Variants in CASZ1 observed in about 807,000 individuals in gnomAD.
CASZ1 encodes castor zinc finger 1.
CASZ1 carries 28 observed loss-of-function variants against 135.2 expected under a neutral mutation model. The observed-to-expected ratio is 0.21, with a 90% confidence interval of 0.15 to 0.28. The LOEUF (loss-of-function observed/expected upper bound fraction) is 0.28, where lower values mean the gene tolerates loss of function less well. Ranked by LOEUF, CASZ1 falls within the 10% of genes least tolerant of loss-of-function variation. The pLI is 1.00. For missense variants in CASZ1, 2,161 were observed against 2,453.3 expected (o/e 0.88, Z 2.52); for synonymous variants, 1,068 against 1,073.4 (o/e 0.99, Z 0.10).
At position 10,665,503 on chromosome 1, in the gene CASZ1, G is replaced by C; in HGVS notation, c.85C>G (p.Leu29Val). Residue 29 changes from leucine to valine, a missense_variant, in exon 5 of 21, where the codon CTG becomes GTG. Physicochemically the swap from Leu to Val is conservative, Grantham distance 32 (BLOSUM62 1). This residue lies in a region of CASZ1 where 590 missense variants were observed against 609.8 expected (regional missense o/e 0.97). Coordinates refer to ENST00000377022, the MANE Select transcript of CASZ1 (RefSeq NM_001079843.3). ...TTGGCGCAGATGGCGTTCAGCTTCA[G>C]GCCACCCTTGCGTTTGGGCGCCATG... is the stretch of plus-strand genomic sequence containing the variant. The part of the protein sequence containing the change: ...PAMAPKRKGG[L>V]KLNAICAKLS... The C allele has an allele frequency of 1.9e-6, 3 of 1,604,120 alleles. 1 individual carries two copies. The highest frequency in any genetic ancestry group is 2.5e-6 in the Non-Finnish European group (3 of 1,179,048).
intron 2 of CASZ1, among the ~76,000 whole-genome samples, chr1:10,758,981 C>T (rs1209068628): frequency 1.3e-5 from 2 of 152,234 alleles, no homozygotes; most frequent in African/African-American, 4.8e-5. Context: ...CCATACCCCA[C>T]ACCAGGTACA....
In CASZ1 at chr1:10,659,873, G is replaced by T; in HGVS notation, c.1169C>A (p.Pro390Gln). The T allele has an allele frequency of 6.2e-7, 1 of 1,611,128 alleles. No individual in the cohort carries two copies. Among genetic ancestry groups the T allele is most frequent in the African/African-American group, 1.3e-5 (1 of 74,946 alleles). Residue 390 changes from proline to glutamine, a missense_variant, in exon 6 of 21, where the codon CCG becomes CAG. This residue lies in a region of CASZ1 where 590 missense variants were observed against 609.8 expected (regional missense o/e 0.97). Coordinates refer to ENST00000377022, the MANE Select transcript of CASZ1 (RefSeq NM_001079843.3). The part of the protein sequence containing the change: ...GIQKPGPAKV[P>Q]PTPSLAPAPL... ...TGCGGGAGCCAGGCTGGGGGTGGGCGGAACCTTGGCGGGGCCTGGCTTCTG... is the reference window on the plus strand; with the variant it reads ...TGCGGGAGCCAGGCTGGGGGTGGGCTGAACCTTGGCGGGGCCTGGCTTCTG...
At position 10,739,097 on chromosome 1, in the gene CASZ1, C is replaced by T. The variant is rs371808261; in HGVS notation, c.-77+21604G>A. On this transcript the variant is annotated intron_variant, in intron 2 of 20. Transcript: ENST00000377022. The surrounding 1 kb of genome is among the most constrained non-coding windows in gnomAD (Gnocchi z 4.8). ...CTTTTTTAAAATTTTGCTGGGGGTCCGGGGGAAGAAGGAAAAAAAGCAACA... is the reference window on the plus strand; with the variant it reads ...CTTTTTTAAAATTTTGCTGGGGGTCTGGGGGAAGAAGGAAAAAAAGCAACA... Among the ~76,000 whole-genome samples, 7 of 151,694 alleles carry T rather than the reference C, an allele frequency of 4.6e-5. No individual in the cohort carries two copies. Among genetic ancestry groups the T allele is most frequent in the East Asian group, 1.9e-4 (1 of 5,154 alleles).
At chr1:10,791,053 T>C (rs1056906909) in intron 1 of CASZ1, among the ~76,000 whole-genome samples, 2 of 150,850 alleles carry the variant, frequency 1.3e-5, no homozygotes, top group Non-Finnish European at 2.9e-5. Context: ...TCTATATAAT[T>C]TTACATCCGA....
At chr1:10,766,130 T>G (rs959344510) in intron 1 of CASZ1, among the ~76,000 whole-genome samples, 4 of 151,776 alleles carry the variant, frequency 2.6e-5, no homozygotes, top group Non-Finnish European at 5.9e-5. Flanking sequence ...CCACTGATGA[T>G]CTATCTGCAG....
At chr1:10,771,622 T>G (rs1027188072) in intron 1 of CASZ1, among the ~76,000 whole-genome samples, 2 of 152,038 alleles carry the variant, frequency 1.3e-5, no homozygotes, top group African/African-American at 4.8e-5. Flanking sequence ...GCAAAGCCAG[T>G]AAACAAGTTT....
At position 10,639,967 on chromosome 1, in the gene CASZ1, C is replaced by A. The variant is rs1642144757; in HGVS notation, c.4255G>T (p.Ala1419Ser). The A allele has an allele frequency of 1.9e-6, 3 of 1,612,764 alleles. No individual in the cohort carries two copies. Among genetic ancestry groups the A allele is most frequent in the Non-Finnish European group, 2.5e-6 (3 of 1,180,024 alleles). Residue 1419 changes from alanine (A) to serine (S), a missense_variant, in exon 21 of 21, where the codon GCG becomes TCG. By Grantham distance (99) the Ala-to-Ser change is moderately conservative. This residue lies in a region of CASZ1 where 143 missense variants were observed against 128.3 expected (regional missense o/e 1.11). Transcript: ENST00000377022. The surrounding 1 kb of genome is among the most constrained non-coding windows in gnomAD (Gnocchi z 4.0). ...MSPFGKRRKT[A>S]SSRKMLDEGM... ...TCGTCCAGCATCTTCCGGGAGGACG[C>A]CGTCTTCCGCCGCTTGCCGAAGGGC...
intron 18 of CASZ1, among the ~76,000 whole-genome samples, chr1:10,644,677 G>C (rs963596161): frequency 6.6e-6 from 1 of 152,250 alleles, no homozygotes; most frequent in Non-Finnish European, 1.5e-5. Flanking sequence ...GCGGCTGTCT[G>C]GGGGTGGAGG....
intron 2 of CASZ1, among the ~76,000 whole-genome samples, chr1:10,713,758 G>A (rs1557526502): frequency 6.6e-6 from 1 of 152,278 alleles, no homozygotes; most frequent in Non-Finnish European, 1.5e-5. Flanking sequence ...CACACGTCGT[G>A]TGGGGACAGC....
At chr1:10,728,586 C>CT (rs919476536) in intron 2 of CASZ1, among the ~76,000 whole-genome samples, 2 of 151,984 alleles carry the variant, frequency 1.3e-5, no homozygotes, top group Non-Finnish European at 2.9e-5. Context: ...TTCTTGGCTT[C>CT]TTTTTTTAAT....
intron 2 of CASZ1, among the ~76,000 whole-genome samples, chr1:10,753,053 A>G (rs111420482): frequency 2.3e-4 from 35 of 152,336 alleles, no homozygotes; most frequent in African/African-American, 7.7e-4. Context: ...ACAAAACAAA[A>G]CAAAACAAAA....
rs1478570403 is a variant in CASZ1, at chr1:10,784,670, TCTC to T, written c.-234+11891_-234+11893del. Among the ~76,000 whole-genome samples the T allele has an allele frequency of 2.6e-5, 4 of 152,174 alleles. No homozygotes were observed. In the East Asian group the frequency reaches 5.8e-4, roughly 22 times the overall value. ...CCTCCGCCATCTGGGTTCAAACAAT[TCTC>T]CTGCCTCAGCCTCCTGAGTAGCTGG... is the stretch of plus-strand genomic sequence containing the variant. On this transcript the variant is annotated intron_variant, in intron 1 of 20. Transcript: ENST00000377022.
At chr1:10,771,784 A>G (rs1640582068) in intron 1 of CASZ1, among the ~76,000 whole-genome samples, 5 of 152,126 alleles carry the variant, frequency 3.3e-5, no homozygotes, top group Admixed American at 3.3e-4. Flanking sequence ...CATATGAGAA[A>G]AAGAACACCC....
In CASZ1 at chr1:10,654,604, G is replaced by A. The variant is rs368465685; in HGVS notation, c.1666-13C>T. Reference sequence around the variant, plus strand: ...TGTTACAGCCCACCTGCACAGGACGGGATGGTGGTCAGGCGAACGGAGGCC... The same window carrying A: ...TGTTACAGCCCACCTGCACAGGACGAGATGGTGGTCAGGCGAACGGAGGCC... On this transcript the variant is annotated splice_polypyrimidine_tract_variant and intron_variant, in intron 9 of 20. Transcript: ENST00000377022. The A allele has an allele frequency of 8.0e-5, 129 of 1,611,300 alleles. No individual in the cohort carries two copies. The highest frequency in any genetic ancestry group is 6.8e-5 in the Non-Finnish European group (80 of 1,177,902).
At chr1:10,649,252 C>T (rs284300) in intron 14 of CASZ1, 31 bp downstream of exon 14, 14 of 1,604,788 alleles carry the variant, frequency 8.7e-6, no homozygotes, top group East Asian at 2.2e-5. Flanking sequence ...TGCGGGGGGA[C>T]GATGGGTGGA....
In CASZ1 at chr1:10,747,977, C is replaced by T. The variant is rs1335233562; in HGVS notation, c.-77+12724G>A. ...GACTAGAGGCACCCGCCACCACGCC[C>T]GGCTAAGTTTTTTGTATTTTTTAGT... On this transcript the variant is annotated intron_variant, in intron 2 of 20. Transcript: ENST00000377022. The surrounding 1 kb of genome is among the most constrained non-coding windows in gnomAD (Gnocchi z 4.3). Among the ~76,000 whole-genome samples, 3 of 152,144 alleles carry T rather than the reference C, an allele frequency of 2.0e-5. No homozygotes were observed. The highest frequency in any genetic ancestry group is 4.1e-4 in the South Asian group (2 of 4,828).
intron 2 of CASZ1, among the ~76,000 whole-genome samples, chr1:10,745,054 C>A (rs1392994368): frequency 6.6e-6 from 1 of 152,162 alleles, no homozygotes; most frequent in African/African-American, 2.4e-5. Context: ...CCAGTATGAC[C>A]TGGATATTTT....
Position 10,640,348 on chromosome 1 carries a change from C to G in CASZ1, c.4163-289G>C, listed in dbSNP as rs533153660. Among the ~76,000 whole-genome samples the G allele has an allele frequency of 6.6e-5, 10 of 152,368 alleles. No homozygotes were observed. The South Asian group carries it at 2.1e-3, about 32-fold the overall frequency. On this transcript the variant is annotated intron_variant, in intron 20 of 20. Coordinates refer to ENST00000377022, the MANE Select transcript of CASZ1 (RefSeq NM_001079843.3). ...CTCTGGGGGACGTGGTGGCTGCTTC[C>G]TGGCCAGTTTGGGTGGGAAGTGAGG...
chr1:10,775,846 C>T (rs993042676), intron 1 of CASZ1, among the ~76,000 whole-genome samples: 1 of 152,128 alleles, frequency 6.6e-6, no homozygotes, highest in African/African-American at 2.4e-5. Context: ...GACATGCCCT[C>T]CTACACCTAG....
Sources: allele counts gnomAD v4.1 joint callset (sites outside exome capture counted in the v4.1 genomes callset), GRCh38; gene constraint gnomAD v4.1.1; regional missense constraint gnomAD v4.1.1; non-coding constraint Gnocchi (gnomAD v3.1); transcripts MANE v1.5; gene names NCBI Gene and HGNC (gene_info 2026-07-23, HGNC 2026-07-21).